The following ST18 variants were observed in gnomAD, a reference collection of about 807,000 sequenced individuals.
ST18 encodes ST18 C2H2C-type zinc finger transcription factor, also known as suppression of tumorigenicity 18 protein.
ST18 carries 50 observed loss-of-function variants against 110.0 expected under a neutral mutation model. That is an observed-to-expected ratio of 0.45 (90% CI 0.36 to 0.58). The LOEUF is 0.58. ST18 is among the 20% of genes least tolerant of loss of function. The pLI, the probability that ST18 is intolerant of heterozygous loss-of-function variation, is 0.00. For missense variants in ST18, 1,306 were observed against 1,280.1 expected (o/e 1.02, Z -0.31); for synonymous variants, 461 against 452.4 (o/e 1.02, Z -0.24).
chr8:52,125,654 G>A (rs2046746592), intron 23 of ST18, among the ~76,000 whole-genome samples: 1 of 134,842 alleles, frequency 7.4e-6, no homozygotes, highest in South Asian at 2.2e-4. Context: ...ACCACACTGG[G>A]CTAATATTTT....
At chr8:52,129,299 C>G (rs1431969226) in intron 22 of ST18, among the ~76,000 whole-genome samples, 3 of 151,666 alleles carry the variant, frequency 2.0e-5, no homozygotes, top group East Asian at 1.9e-4. Flanking sequence ...AACCCCGTCT[C>G]TACCAAAAAT....
chr8:52,342,585 G>A (rs968588104), intron 2 of ST18, among the ~76,000 whole-genome samples: 8 of 152,154 alleles, frequency 5.3e-5, no homozygotes, highest in Admixed American at 5.2e-4. Flanking sequence ...CAGCCAGCTG[G>A]GCAGCACATA....
chr8:52,309,967 CTG>C (rs2095876910), intron 2 of ST18, among the ~76,000 whole-genome samples: 1 of 152,162 alleles, frequency 6.6e-6, no homozygotes, highest in Non-Finnish European at 1.5e-5. Context: ...ATCATGTATA[CTG>C]TGCATGGGGA....
chr8:52,217,476 T>C (rs1333182723), intron 6 of ST18, among the ~76,000 whole-genome samples: 1 of 152,164 alleles, frequency 6.6e-6, no homozygotes, highest in Non-Finnish European at 1.5e-5. Context: ...CAGTCTCTAA[T>C]TCTTAATAAT....
intron 2 of ST18, among the ~76,000 whole-genome samples, chr8:52,305,184 T>C (rs1218217170): frequency 2.6e-5 from 4 of 152,200 alleles, no homozygotes; most frequent in African/African-American, 7.2e-5. Flanking sequence ...AATGTCTATA[T>C]GATATGGATA....
chr8:52,115,955 C>A (rs999415399), intron 25 of ST18, among the ~76,000 whole-genome samples: 1 of 152,122 alleles, frequency 6.6e-6, no homozygotes, highest in Non-Finnish European at 1.5e-5. Flanking sequence ...ATGGAATCTT[C>A]TACTTGGAAA....
intron 8 of ST18, among the ~76,000 whole-genome samples, chr8:52,193,283 C>T (rs1420879327): frequency 6.6e-6 from 1 of 152,122 alleles, no homozygotes; most frequent in African/African-American, 2.4e-5. Context: ...TGCACCTCCT[C>T]CTCCCTTCAG....
intron 2 of ST18, among the ~76,000 whole-genome samples, chr8:52,399,783 T>C (rs910876798): frequency 2.0e-5 from 3 of 152,064 alleles, no homozygotes; most frequent in African/African-American, 7.2e-5. Context: ...CTGTTGTGGT[T>C]GGAAAAAAAT....
chr8:52,305,789 A>G (rs1247637961), intron 2 of ST18, among the ~76,000 whole-genome samples: 1 of 152,172 alleles, frequency 6.6e-6, no homozygotes, highest in African/African-American at 2.4e-5. Context: ...ATCTACCACC[A>G]TGGTGCAAGC....
chr8:52,318,601 G>A (rs1441389980), intron 2 of ST18, among the ~76,000 whole-genome samples: 1 of 152,180 alleles, frequency 6.6e-6, no homozygotes, highest in African/African-American at 2.4e-5. Context: ...GCACACGTAT[G>A]TTCATTGCAG....
At chr8:52,314,196 C>T (rs2095979567) in intron 2 of ST18, among the ~76,000 whole-genome samples, 1 of 152,144 alleles carries the variant, frequency 6.6e-6, no homozygotes, top group Non-Finnish European at 1.5e-5. Flanking sequence ...GGCCTTAACT[C>T]CCAGGAAACC....
chr8:52,345,517 C>T (rs1358040245), intron 2 of ST18, among the ~76,000 whole-genome samples: 3 of 152,240 alleles, frequency 2.0e-5, no homozygotes, highest in Non-Finnish European at 4.4e-5. Context: ...ACCAGTATAT[C>T]TGACAAACTC....
chr8:52,275,059 C>T (rs2095196582), intron 2 of ST18, among the ~76,000 whole-genome samples: 1 of 152,150 alleles, frequency 6.6e-6, no homozygotes, highest in African/African-American at 2.4e-5. Flanking sequence ...TAAAAACTTG[C>T]CAGCATTGGC....
chr8:52,293,470 T>G (rs970755106), intron 2 of ST18, among the ~76,000 whole-genome samples: 1 of 152,186 alleles, frequency 6.6e-6, no homozygotes, highest in African/African-American at 2.4e-5. Flanking sequence ...TGAAACAGCT[T>G]TCTTCTGCTC....
At chr8:52,245,971 A>G (rs1316174797) in intron 2 of ST18, among the ~76,000 whole-genome samples, 1 of 152,160 alleles carries the variant, frequency 6.6e-6, no homozygotes, top group African/African-American at 2.4e-5. Flanking sequence ...TCAAGTTACA[A>G]CTTAAATGTA....
intron 6 of ST18, among the ~76,000 whole-genome samples, chr8:52,214,623 C>A (rs553173830): frequency 6.6e-6 from 1 of 152,156 alleles, no homozygotes; most frequent in Non-Finnish European, 1.5e-5. Flanking sequence ...AACCAATTTA[C>A]TAAAACCTAA....
At chr8:52,391,432 G>C (rs1352136167) in intron 2 of ST18, among the ~76,000 whole-genome samples, 1 of 152,174 alleles carries the variant, frequency 6.6e-6, no homozygotes, top group Non-Finnish European at 1.5e-5. Flanking sequence ...AAATTGCCAT[G>C]GAAGCATGGA....
At position 52,110,852 on chromosome 8, in the gene ST18, T is replaced by G. The variant is rs1563427818; in HGVS notation, c.*2346A>C. 2.6e-6 allele frequency: 1 copy of G among 382,484 alleles called. No individual in the cohort carries two copies. Among genetic ancestry groups the G allele is most frequent in the Non-Finnish European group, 4.6e-6 (1 of 215,544 alleles). The allele number at this position is 382,484 out of a possible 1,614,324, so 23.7% of individuals were successfully genotyped here. A position where few individuals can be genotyped will look rare whatever the true frequency, so the allele number is the denominator to read the frequency against. ...CACATCAAAACTCGTTATCAATTTT[T>G]ATTTCCTACCATACACCAAATGTAC... is the stretch of plus-strand genomic sequence containing the variant. On this transcript the variant is annotated 3_prime_UTR_variant, in exon 26 of 26. Coordinates refer to ENST00000689386, the MANE Select transcript of ST18 (RefSeq NM_001352837.2).
At position 52,253,997 on chromosome 8, in the gene ST18, GAGAGAGAC is replaced by G. The variant is rs906407165; in HGVS notation, c.-464-23928_-464-23921del. ...AGAGATTGAGAGAGAGAGAGAGAGA[GAGAGAGAC>G]AGAGAGAAATACATTTAAAATAATG... On this transcript the variant is annotated intron_variant, in intron 2 of 25. Coordinates refer to ENST00000689386, the MANE Select transcript of ST18 (RefSeq NM_001352837.2). Among the ~76,000 whole-genome samples the G allele has an allele frequency of 4.6e-5, 7 of 151,864 alleles. No homozygotes were observed. In the South Asian group the frequency reaches 8.3e-4, roughly 18 times the overall value.
Sources: gnomAD v4.1 joint callset for allele counts (sites outside exome capture counted in the v4.1 genomes callset) on GRCh38, gnomAD v4.1.1 for gene constraint, MANE v1.5 for transcripts, NCBI Gene and HGNC (gene_info 2026-07-23, HGNC 2026-07-21) for gene names.